Variants in ZNF442 observed in about 807,000 individuals in gnomAD.
ZNF442 encodes zinc finger protein 442.
ZNF442 carries 45 observed loss-of-function variants against 57.0 expected under a neutral mutation model. That is an observed-to-expected ratio of 0.79 (90% confidence interval 0.62 to 1.01). The LOEUF (loss-of-function observed/expected upper bound fraction) is 1.01, where lower values mean the gene tolerates loss of function less well. ZNF442 is among the 50% of genes least tolerant of loss of function. The pLI, the probability that ZNF442 is intolerant of heterozygous loss-of-function variation, is 0.00. For synonymous variants in ZNF442, 213 were observed against 241.8 expected, an observed-to-expected ratio of 0.88 and a Z score of 1.10; for missense variants, 690 against 756.5, an observed-to-expected ratio of 0.91 and a Z score of 1.03.
At chr19:12,368,850 G>A (rs755936176), upstream of ZNF442, among the ~76,000 whole-genome samples, 3 of 152,164 alleles carry the variant, frequency 2.0e-5, no homozygotes, top group Non-Finnish European at 4.4e-5. Flanking sequence ...AGTGGGATCA[G>A]CACCTGGTGA....
At chr19:12,366,372 A>G (rs181223147), upstream of ZNF442, among the ~76,000 whole-genome samples, 171 of 152,326 alleles carry the variant, frequency 1.1e-3, no homozygotes, top group African/African-American at 4.0e-3. Flanking sequence ...TCAAGCTTAG[A>G]AGGCAGATTC....
At position 12,346,948 on chromosome 19, in the gene ZNF442, T is replaced by C. The variant is rs540351193; in HGVS notation, c.*2753A>G. The C allele has an allele frequency of 1.3e-5, 2 of 152,276 alleles. No individual in the cohort carries two copies. Among genetic ancestry groups the C allele is most frequent in the African/African-American group, 4.8e-5 (2 of 41,556 alleles). The allele number at this position is 152,276 out of a possible 1,614,324, so 9.4% of individuals were successfully genotyped here. ...TTCAGTACTTTGGGATAGGATGGAA[T>C]AGGTAATTACATGTATGGAACACTA... On this transcript the variant is annotated 3_prime_UTR_variant, in exon 6 of 6. Transcript: ENST00000242804.
At position 12,349,558 on chromosome 19, in the gene ZNF442, C is replaced by T. The variant is rs1969178551; in HGVS notation, c.*143G>A. 11 of 810,296 alleles carry T rather than the reference C, an allele frequency of 1.4e-5. No individual in the cohort carries two copies. In the East Asian group the frequency reaches 3.0e-4, roughly 22 times the overall value. The allele number at this position is 810,296 out of a possible 1,614,324, so 50.2% of individuals were successfully genotyped here. ...ATGCTTAGGGGGTCTGGAACCAATC[C>T]CCTGCATATGGTTAGGGGATAACCA... On this transcript the variant is annotated 3_prime_UTR_variant, in exon 6 of 6. Transcript: ENST00000242804.
rs1969179950 is a variant in ZNF442, at chr19:12,349,618, G to A, written c.*83C>T. The A allele has an allele frequency of 1.5e-6, 2 of 1,367,546 alleles. No individual in the cohort carries two copies. Among genetic ancestry groups the A allele is most frequent in the Non-Finnish European group, 2.0e-6 (2 of 1,004,156 alleles). 84.7% of individuals were successfully genotyped at this position (1,367,546 alleles called of 1,614,324 possible). ...GAAACATCTTAAGGCTTTACCATGTGTTTGCATTCATGAGGCTTATCTCCT... is the reference window on the plus strand; with the variant it reads ...GAAACATCTTAAGGCTTTACCATGTATTTGCATTCATGAGGCTTATCTCCT... On this transcript the variant is annotated 3_prime_UTR_variant, in exon 6 of 6. Transcript: ENST00000242804.
chr19:12,351,951 C>G (rs1312837226), intron 5 of ZNF442, 59 bp downstream of exon 5: 6 of 1,493,600 alleles, frequency 4.0e-6, no homozygotes, highest in Admixed American at 3.8e-5. Context: ...TGTATAATTT[C>G]CTGTCATCCT....
At chr19:12,360,179 A>C (rs891450051) in intron 3 of ZNF442, among the ~76,000 whole-genome samples, 6 of 152,048 alleles carry the variant, frequency 3.9e-5, no homozygotes, top group African/African-American at 1.4e-4. Flanking sequence ...GATGCCTCAG[A>C]TCTTATACTT....
upstream of ZNF442, among the ~76,000 whole-genome samples, chr19:12,369,265 T>C (rs1187561194): frequency 1.3e-5 from 2 of 152,170 alleles, no homozygotes; most frequent in East Asian, 3.8e-4. Context: ...GTTTGTAATA[T>C]GGGTAGAAAG....
At chr19:12,358,026 G>A (rs548692335) in intron 3 of ZNF442, among the ~76,000 whole-genome samples, 23 of 149,768 alleles carry the variant, frequency 1.5e-4, no homozygotes, top group African/African-American at 4.7e-4. Flanking sequence ...GCAATGGCGC[G>A]ATCTCGGCTC....
upstream of ZNF442, among the ~76,000 whole-genome samples, chr19:12,369,620 G>A (rs145686452): frequency 4.9e-3 from 744 of 151,796 alleles, 16 homozygotes; most frequent in African/African-American, 0.017. Flanking sequence ...ACAATGGGCC[G>A]GGCGCAGTGG....
intron 3 of ZNF442, among the ~76,000 whole-genome samples, chr19:12,358,626 G>A (rs1323480475): frequency 6.6e-6 from 1 of 152,160 alleles, no homozygotes; most frequent in Non-Finnish European, 1.5e-5. Flanking sequence ...AAACAGAAAA[G>A]AGGCAAAACT....
In ZNF442 at chr19:12,352,013, A is replaced by G. The variant is rs201206849; in HGVS notation, c.263T>C (p.Leu88Pro). The change falls in exon 5 of 6, where the codon CTA becomes CCA. Residue 88 changes from leucine to proline, a missense_variant. Leu to Pro is a moderately conservative substitution (Grantham distance 98). Coordinates refer to ENST00000242804, the MANE Select transcript of ZNF442 (RefSeq NM_030824.3). ...TTCTCTTGTGAGTGCAAATTACCTT[A>G]GGCTCCTCCTGGGATTTCTGTGCTG... ...EDQHRNPRRS[L>P]RCHIIERFSE... 1.2e-6 allele frequency: 2 copies of G among 1,613,640 alleles called. No homozygotes were observed. The highest frequency in any genetic ancestry group is 4.5e-5 in the East Asian group (2 of 44,838).
Position 12,350,422 on chromosome 19 carries a change from T to A in ZNF442, c.1163A>T (p.His388Leu), listed in dbSNP as rs774249990. 2.5e-6 allele frequency: 4 copies of A among 1,612,118 alleles called. No homozygotes were observed. In the East Asian group the frequency reaches 8.9e-5, roughly 36 times the overall value. Residue 388 changes from histidine to leucine, a missense_variant, in exon 6 of 6, where the codon CAT becomes CTT. Physicochemically the swap from His to Leu is moderately conservative, Grantham distance 99. Coordinates refer to ENST00000242804, the MANE Select transcript of ZNF442 (RefSeq NM_030824.3). ...CATATGACTTCGAAAGCTTGAGTGA[T>A]GAGATAACGCTTTCCCACACTGCTT... ...ECKQCGKALSHHSSFRSHMIM... is the reference protein window; with the variant it reads ...ECKQCGKALSLHSSFRSHMIM...
chr19:12,371,114 T>C, the ZNF442 span, among the ~76,000 whole-genome samples: 2 of 152,178 alleles, frequency 1.3e-5, no homozygotes, highest in Non-Finnish European at 1.5e-5. Flanking sequence ...AATTGGAAGC[T>C]GGAACCCATG....
intron 3 of ZNF442, among the ~76,000 whole-genome samples, chr19:12,362,622 T>A (rs1409493417): frequency 7.0e-6 from 1 of 143,360 alleles, no homozygotes; most frequent in East Asian, 2.1e-4. Context: ...AGCCGCCCCC[T>A]CCGGGAGGTG....
upstream of ZNF442, among the ~76,000 whole-genome samples, chr19:12,367,328 G>A (rs936119549): frequency 1.1e-4 from 17 of 152,158 alleles, no homozygotes; most frequent in Admixed American, 1.3e-4. Flanking sequence ...GGGGGTGTAC[G>A]AACAGGGAGT....
intron 3 of ZNF442, 143 bp from the exon 4 acceptor site, chr19:12,353,257 A>G: frequency 3.5e-6 from 3 of 863,664 alleles, no homozygotes; most frequent in Non-Finnish European, 5.1e-6. Context: ...TCTGTCTACA[A>G]TCACTTTCTC....
chr19:12,356,439 G>A (rs571701352), intron 3 of ZNF442, among the ~76,000 whole-genome samples: 1 of 152,136 alleles, frequency 6.6e-6, no homozygotes, highest in East Asian at 1.9e-4. Flanking sequence ...AACAGCCTGA[G>A]CAACATGGCG....
chr19:12,362,289 A>G (rs188693833), intron 3 of ZNF442, among the ~76,000 whole-genome samples: 6,645 of 150,298 alleles, frequency 0.044, 487 homozygotes, highest in African/African-American at 0.16. Context: ...ATCTCTGCCC[A>G]GCTGCCCATC....
chr19:12,352,905 G>A (rs1969267440), intron 4 of ZNF442, 83 bp downstream of exon 4: 3 of 1,518,476 alleles, frequency 2.0e-6, no homozygotes, highest in Admixed American at 4.2e-5. Context: ...TCCCCTTTCG[G>A]TATTTCAAAT....
Sources: gnomAD v4.1 joint callset for allele counts (sites outside exome capture counted in the v4.1 genomes callset) on GRCh38, gnomAD v4.1.1 for gene constraint, MANE v1.5 for transcripts, NCBI Gene and HGNC (gene_info 2026-07-23, HGNC 2026-07-21) for gene names.